Variants in PRIM2 observed in about 807,000 individuals in gnomAD.
The protein encoded by PRIM2 is DNA primase large subunit.
In PRIM2, 39 loss-of-function variants were observed where a neutral mutation model predicts 67.3. The observed-to-expected ratio is 0.58, with a 90% CI of 0.45 to 0.76. The LOEUF (loss-of-function observed/expected upper bound fraction) is 0.76, where lower values mean the gene tolerates loss of function less well. PRIM2 is among the 30% of genes least tolerant of loss of function. PRIM2 has a pLI of 0.00. For synonymous variants in PRIM2, 143 were observed against 198.7 expected (o/e 0.72, Z 2.36); for missense variants, 398 against 598.7 (o/e 0.66, Z 3.50).
intron 13 of PRIM2, among the ~76,000 whole-genome samples, chr6:57,643,898 A>G (rs1434349756): frequency 9.9e-5 from 15 of 152,222 alleles, no homozygotes; most frequent in Non-Finnish European, 1.8e-4. Context: ...GCAAAAGAGA[A>G]TCAGAGATTC....
chr6:57,577,266 C>T (rs1775980106), intron 10 of PRIM2, among the ~76,000 whole-genome samples: 2 of 152,220 alleles, frequency 1.3e-5, no homozygotes, highest in Admixed American at 6.5e-5. Flanking sequence ...AGGTTTCAGT[C>T]CTGACACATC....
intron 5 of PRIM2, among the ~76,000 whole-genome samples, chr6:57,355,792 A>G (rs1393363857): frequency 6.6e-6 from 1 of 151,946 alleles, no homozygotes; most frequent in Non-Finnish European, 1.5e-5. Context: ...ATGTGTCACC[A>G]CGTGTGGCTA....
chr6:57,339,311 C>G (rs919472420), intron 5 of PRIM2, among the ~76,000 whole-genome samples: 1 of 152,144 alleles, frequency 6.6e-6, no homozygotes, highest in Non-Finnish European at 1.5e-5. Flanking sequence ...ATGCCATCCC[C>G]ATCAAGCTGC....
At chr6:57,300,521 C>T in the PRIM2 span, among the ~76,000 whole-genome samples, 1 of 152,092 alleles carries the variant, frequency 6.6e-6, no homozygotes, top group African/African-American at 2.4e-5. Context: ...GGATGGGCTC[C>T]AGACCCTTGA....
chr6:57,643,547 A>G (rs1777283658), intron 13 of PRIM2, among the ~76,000 whole-genome samples: 1 of 152,222 alleles, frequency 6.6e-6, no homozygotes, highest in Non-Finnish European at 1.5e-5. Context: ...TTTACAAACT[A>G]TTTTACAAAC....
At chr6:57,445,429 T>A (rs962266069) in intron 7 of PRIM2, among the ~76,000 whole-genome samples, 2 of 152,196 alleles carry the variant, frequency 1.3e-5, no homozygotes, top group African/African-American at 4.8e-5. Context: ...GCACCCATTA[T>A]CCTCAATATA....
chr6:57,529,043 G>A (rs1295472483), intron 8 of PRIM2, among the ~76,000 whole-genome samples: 1 of 152,182 alleles, frequency 6.6e-6, no homozygotes, highest in African/African-American at 2.4e-5. Flanking sequence ...GGGCGCAGTG[G>A]CTCACGCCTG....
At chr6:57,302,039 T>G in the PRIM2 span, among the ~76,000 whole-genome samples, 3 of 152,192 alleles carry the variant, frequency 2.0e-5, no homozygotes, top group Non-Finnish European at 2.9e-5. Context: ...AGACAGAACT[T>G]TCAGTCTCAC....
intron 7 of PRIM2, among the ~76,000 whole-genome samples, chr6:57,486,627 G>A (rs1379753342): frequency 6.6e-6 from 1 of 152,204 alleles, no homozygotes; most frequent in Non-Finnish European, 1.5e-5. Flanking sequence ...TTCCTGATGT[G>A]TCCAGTATAT....
intron 7 of PRIM2, among the ~76,000 whole-genome samples, chr6:57,474,177 T>C (rs1773410671): frequency 4.3e-5 from 1 of 23,282 alleles, no homozygotes. Flanking sequence ...TGCTATCTTT[T>C]TTTTTTTTTT....
At chr6:57,236,541 A>G in the PRIM2 span, among the ~76,000 whole-genome samples, 1 of 152,068 alleles carries the variant, frequency 6.6e-6, no homozygotes, top group East Asian at 1.9e-4. Context: ...CATTAGGTAT[A>G]TCTCCTAATG....
intron 7 of PRIM2, among the ~76,000 whole-genome samples, chr6:57,454,329 T>C (rs1772676437): frequency 6.6e-6 from 1 of 152,216 alleles, no homozygotes; most frequent in Non-Finnish European, 1.5e-5. Context: ...ATTCCCTCTT[T>C]TTCTATTGAT....
At chr6:57,222,320 G>T in the PRIM2 span, 1 of 152,170 alleles carries the variant, frequency 6.6e-6, no homozygotes, top group Non-Finnish European at 1.5e-5. Flanking sequence ...GCCGTGCTTC[G>T]TCTGCGCATG....
intron 5 of PRIM2, among the ~76,000 whole-genome samples, chr6:57,335,004 G>T (rs1018845942): frequency 6.6e-6 from 1 of 152,004 alleles, no homozygotes; most frequent in South Asian, 2.1e-4. Context: ...GTGGGTGCGC[G>T]CACCGTGCAC....
chr6:57,280,120 A>G, the PRIM2 span, among the ~76,000 whole-genome samples: 9 of 152,198 alleles, frequency 5.9e-5, no homozygotes, highest in Non-Finnish European at 1.0e-4. Flanking sequence ...TGAGGAAGGC[A>G]GTGAGCACTT....
At chr6:57,318,627 A>G in intron 2 of PRIM2, 28 bp downstream of exon 2, 5 of 1,511,202 alleles carry the variant, frequency 3.3e-6, no homozygotes, top group South Asian at 1.2e-5. Flanking sequence ...TAGAATGTAT[A>G]TATTCTTGAG....
intron 4 of PRIM2, among the ~76,000 whole-genome samples, 192 bp downstream of exon 4, chr6:57,324,472 C>A (rs1767775541): frequency 1.3e-5 from 2 of 152,126 alleles, no homozygotes; most frequent in Admixed American, 6.5e-5. Flanking sequence ...GAAAAAAATT[C>A]TATCGCAGAA....
chr6:57,326,726 A>T (rs1292935235), intron 5 of PRIM2, among the ~76,000 whole-genome samples: 1 of 152,060 alleles, frequency 6.6e-6, no homozygotes, highest in Non-Finnish European at 1.5e-5. Context: ...GTCTCAAAAA[A>T]AAAATAAAAA....
intron 7 of PRIM2, among the ~76,000 whole-genome samples, chr6:57,475,064 G>A (rs1350787545): frequency 2.6e-5 from 4 of 152,266 alleles, no homozygotes; most frequent in Admixed American, 2.6e-4. Context: ...ATGCTTTGAG[G>A]CTCCGTCATG....
Sources: allele counts gnomAD v4.1 joint callset (sites outside exome capture counted in the v4.1 genomes callset), GRCh38; gene constraint gnomAD v4.1.1; transcripts MANE v1.5; gene names NCBI Gene and HGNC (gene_info 2026-07-23, HGNC 2026-07-21).